PRIM2: variants seen among roughly 807,000 people sequenced by gnomAD.
The protein encoded by PRIM2 is DNA primase subunit 2.
A neutral mutation model predicts 67.3 loss-of-function variants in PRIM2; 39 were observed. That is an observed-to-expected ratio of 0.58 (90% CI 0.45 to 0.76). The LOEUF (loss-of-function observed/expected upper bound fraction) is 0.76. Ranked by LOEUF, PRIM2 falls within the 30% of genes least tolerant of loss-of-function variation. PRIM2 has a pLI of 0.00. For missense variants in PRIM2, 398 were observed against 598.7 expected (o/e 0.66, Z 3.50); for synonymous variants, 143 against 198.7 (o/e 0.72, Z 2.36).
intron 10 of PRIM2, among the ~76,000 whole-genome samples, chr6:57,579,556 A>G (rs1428592868): frequency 3.3e-5 from 5 of 152,242 alleles, no homozygotes; most frequent in African/African-American, 1.2e-4. Flanking sequence ...AAATAATTTA[A>G]TCCTTCAGCA....
intron 13 of PRIM2, among the ~76,000 whole-genome samples, chr6:57,643,193 A>G (rs1439506533): frequency 6.6e-6 from 1 of 152,212 alleles, no homozygotes; most frequent in African/African-American, 2.4e-5. Context: ...GACAACTTGA[A>G]GCGAGGTATA....
At chr6:57,258,651 G>A in the PRIM2 span, among the ~76,000 whole-genome samples, 3 of 124,930 alleles carry the variant, frequency 2.4e-5, no homozygotes, top group African/African-American at 9.2e-5. Context: ...GCAAAGTTAA[G>A]AAAGCCCAAG....
chr6:57,261,256 A>C, the PRIM2 span, among the ~76,000 whole-genome samples: 1 of 152,216 alleles, frequency 6.6e-6, no homozygotes, highest in Non-Finnish European at 1.5e-5. Flanking sequence ...GGAAGCTGCT[A>C]CCACTGCCTA....
the PRIM2 span, among the ~76,000 whole-genome samples, chr6:57,253,548 C>G: frequency 1.3e-5 from 2 of 151,500 alleles, no homozygotes; most frequent in Non-Finnish European, 2.9e-5. Flanking sequence ...CTGCTCCCAC[C>G]CTTCAGCACT....
chr6:57,232,704 A>G, the PRIM2 span, among the ~76,000 whole-genome samples: 1 of 152,230 alleles, frequency 6.6e-6, no homozygotes, highest in African/African-American at 2.4e-5. Flanking sequence ...TAAACTTGTC[A>G]CAAAACACCT....
intron 10 of PRIM2, among the ~76,000 whole-genome samples, chr6:57,590,300 A>G (rs1252575523): frequency 2.6e-5 from 4 of 152,214 alleles, no homozygotes; most frequent in Admixed American, 1.3e-4. Context: ...ATCCAGATCT[A>G]AATCATGGAC....
chr6:57,305,572 T>C, the PRIM2 span, among the ~76,000 whole-genome samples: 1 of 152,230 alleles, frequency 6.6e-6, no homozygotes, highest in Non-Finnish European at 1.5e-5. Flanking sequence ...AACTACGTCA[T>C]TTTAGAACAG....
the PRIM2 span, among the ~76,000 whole-genome samples, chr6:57,296,103 G>A: frequency 1.3e-5 from 2 of 152,050 alleles, no homozygotes; most frequent in Non-Finnish European, 2.9e-5. Flanking sequence ...TATTACGAAT[G>A]AATAACAACC....
chr6:57,396,920 T>C (rs1770534435), intron 7 of PRIM2, among the ~76,000 whole-genome samples: 1 of 152,204 alleles, frequency 6.6e-6, no homozygotes, highest in Non-Finnish European at 1.5e-5. Flanking sequence ...TTCCTACATA[T>C]ATGATGCTTA....
chr6:57,578,488 C>T (rs1487254839), intron 10 of PRIM2, among the ~76,000 whole-genome samples: 15 of 152,154 alleles, frequency 9.9e-5, no homozygotes, highest in Admixed American at 9.2e-4. Context: ...GTCCTTTCTC[C>T]CCGTTTATTT....
At chr6:57,256,537 C>G in the PRIM2 span, among the ~76,000 whole-genome samples, 4 of 152,008 alleles carry the variant, frequency 2.6e-5, no homozygotes, top group Admixed American at 2.6e-4. Context: ...GCTCTAAATT[C>G]TGTGCTTTTC....
chr6:57,349,247 C>T (rs555370362), intron 5 of PRIM2, among the ~76,000 whole-genome samples: 6 of 151,930 alleles, frequency 3.9e-5, no homozygotes, highest in Admixed American at 1.3e-4. Flanking sequence ...TACTTTGTTT[C>T]GTTCTGAGTG....
intron 11 of PRIM2, among the ~76,000 whole-genome samples, chr6:57,602,489 G>A (rs1407593923): frequency 0.32 from 48,171 of 151,936 alleles, 7,592 homozygotes; most frequent in East Asian, 0.44. Context: ...TGAGTTTTAT[G>A]TCTTCTAAAG....
At chr6:57,367,782 T>C (rs527238720) in intron 5 of PRIM2, among the ~76,000 whole-genome samples, 35 of 152,344 alleles carry the variant, frequency 2.3e-4, no homozygotes, top group African/African-American at 7.7e-4. Context: ...TGGTTGGACT[T>C]CTTACTTCAT....
chr6:57,396,672 G>A (rs538107233), intron 7 of PRIM2, among the ~76,000 whole-genome samples: 70 of 152,206 alleles, frequency 4.6e-4, no homozygotes, highest in African/African-American at 1.7e-3. Flanking sequence ...TGAGATGTGA[G>A]GTACCGTTCC....
At position 57,382,182 on chromosome 6, in the gene PRIM2, T is replaced by C; in HGVS notation, c.693+14T>C. On this transcript the variant is annotated intron_variant, in intron 7 of 13. Transcript: ENST00000615550. The stretch of plus-strand genomic sequence containing the variant: ...AAGGCTTTGGCAGTGAGTATTTTAC[T>C]TGATTTCTGTATCTGACATGTTCAC... 3 of 1,611,138 alleles carry C rather than the reference T, an allele frequency of 1.9e-6. No individual in the cohort carries two copies. The South Asian group carries it at 3.3e-5, about 18-fold the overall frequency.
the PRIM2 span, among the ~76,000 whole-genome samples, chr6:57,256,039 A>G: frequency 2.0e-5 from 3 of 149,438 alleles, no homozygotes; most frequent in East Asian, 5.8e-4. Flanking sequence ...ACACACACAC[A>G]CACACACACA....
chr6:57,279,706 G>T, the PRIM2 span, among the ~76,000 whole-genome samples: 2 of 152,192 alleles, frequency 1.3e-5, no homozygotes, highest in South Asian at 4.1e-4. Flanking sequence ...ACTGTGCCAG[G>T]CTCCAAAGCC....
rs1776337706 is a variant in PRIM2, at chr6:57,594,806, AAAAT to A, written c.1021-6283_1021-6280del. Among the ~76,000 whole-genome samples the A allele has an allele frequency of 3.9e-5, 6 of 152,360 alleles. No homozygotes were observed. In the South Asian group the frequency reaches 1.2e-3, roughly 32 times the overall value. ...AAAGTTGATAAATTGGACTTCATCAAAAATAAAAACACCTGCTCATCAGAAGATA... is the reference window on the plus strand; with the variant it reads ...AAAGTTGATAAATTGGACTTCATCAAAAAAACACCTGCTCATCAGAAGATA... On this transcript the variant is annotated intron_variant, in intron 10 of 13. Transcript: ENST00000615550.
Sources: allele counts gnomAD v4.1 joint callset (sites outside exome capture counted in the v4.1 genomes callset), GRCh38; gene constraint gnomAD v4.1.1; transcripts MANE v1.5; gene names NCBI Gene and HGNC (gene_info 2026-07-23, HGNC 2026-07-21).